FEM1B: variants seen among roughly 807,000 people sequenced by gnomAD.
FEM1B encodes protein fem-1 homolog B.
Under a neutral mutation model 38.6 loss-of-function variants are expected in FEM1B, and 10 were observed. The observed-to-expected ratio is 0.26, with a 90% CI of 0.16 to 0.44. The LOEUF is 0.44. Ranked by LOEUF, FEM1B falls within the 20% of genes least tolerant of loss-of-function variation. The pLI, the probability that FEM1B is intolerant of heterozygous loss-of-function variation, is 1.00. For synonymous variants in FEM1B, 288 were observed against 288.0 expected (o/e 1.00, Z 0.00); for missense variants, 471 against 786.7 (o/e 0.60, Z 4.80).
chr15:68,286,970 C>T (rs1212511701), intron 1 of FEM1B, among the ~76,000 whole-genome samples: 1 of 152,158 alleles, frequency 6.6e-6, no homozygotes, highest in Non-Finnish European at 1.5e-5. Context: ...TCACTGCAAC[C>T]TCTGCCTCCT....
At position 68,288,715 on chromosome 15, in the gene FEM1B, T is replaced by A. The variant is rs545685577; in HGVS notation, c.249-892T>A. On this transcript the variant is annotated intron_variant, in intron 1 of 1. Coordinates refer to ENST00000306917, the MANE Select transcript of FEM1B (RefSeq NM_015322.5). This position sits in a 1 kb window ranked among gnomAD's most constrained non-coding sequence, Gnocchi z 4.6. Reference sequence around the variant, plus strand: ...TCCAAAAGTGCTAATTATTTCCTGCTGTTAGTATTTTTTTCCTGTAGTGGT... The same window carrying A: ...TCCAAAAGTGCTAATTATTTCCTGCAGTTAGTATTTTTTTCCTGTAGTGGT... Among the ~76,000 whole-genome samples the A allele has an allele frequency of 1.3e-5, 2 of 152,318 alleles. No individual in the cohort carries two copies. Among genetic ancestry groups the A allele is most frequent in the East Asian group, 3.9e-4 (2 of 5,184 alleles).
rs1013346513 is a variant in FEM1B, at chr15:68,280,815, G to A, written c.248+2150G>A. Among the ~76,000 whole-genome samples, 1 of 152,158 alleles carries A rather than the reference G, an allele frequency of 6.6e-6. No homozygotes were observed. The highest frequency in any genetic ancestry group is 6.5e-5 in the Admixed American group (1 of 15,282). Reference sequence around the variant, plus strand: ...TTTAAGATTTCATCTCCTTGATTCTGTATATCAGTTTAGCTTATGGATTAT... The same window carrying A: ...TTTAAGATTTCATCTCCTTGATTCTATATATCAGTTTAGCTTATGGATTAT... On this transcript the variant is annotated intron_variant, in intron 1 of 1. Coordinates refer to ENST00000306917, the MANE Select transcript of FEM1B (RefSeq NM_015322.5). This position sits in a 1 kb window ranked among gnomAD's most constrained non-coding sequence, Gnocchi z 4.2.
At position 68,290,525 on chromosome 15, in the gene FEM1B, T is replaced by G; in HGVS notation, c.1167T>G (p.Ala389=). The G allele has an allele frequency of 6.2e-7, 1 of 1,614,178 alleles. No homozygotes were observed. Among genetic ancestry groups the G allele is most frequent in the Middle Eastern group, 1.7e-4 (1 of 6,060 alleles). ...CCCACAAGGATCTTCTTCGATTTGC[T>G]CAAGTTTTCTCACAAATGATACATT... ...RNTHKDLLRF[A]QVFSQMIHLN... Residue 389 remains alanine, a synonymous_variant, in exon 2 of 2, where the codon GCT becomes GCG. Coordinates refer to ENST00000306917, the MANE Select transcript of FEM1B (RefSeq NM_015322.5). The surrounding 1 kb of genome is among the most constrained non-coding windows in gnomAD (Gnocchi z 9.7).
Position 68,291,095 on chromosome 15 carries a change from A to C in FEM1B, c.1737A>C (p.Lys579Asn). Reference protein sequence around the residue: ...TNKQNKTPLDKSTTGVSEILL... With the variant: ...TNKQNKTPLDNSTTGVSEILL... ...AACAGAATAAGACTCCGCTAGACAA[A>C]AGTACAACTGGGGTATCTGAAATAC... Residue 579 changes from lysine to asparagine, a missense_variant, in exon 2 of 2, where the codon AAA (lysine) becomes AAC (asparagine). This residue lies in a region of FEM1B where 380 missense variants were observed against 599.6 expected (regional missense o/e 0.63). Transcript: ENST00000306917. This position sits in a 1 kb window ranked among gnomAD's most constrained non-coding sequence, Gnocchi z 6.9. 3 of 1,614,104 alleles carry C rather than the reference A, an allele frequency of 1.9e-6. No homozygotes were observed. Among genetic ancestry groups the C allele is most frequent in the Non-Finnish European group, 2.5e-6 (3 of 1,180,006 alleles).
Position 68,281,419 on chromosome 15 carries a change from A to T in FEM1B, c.248+2754A>T, listed in dbSNP as rs67342571. 6.6e-6 allele frequency among the ~76,000 whole-genome samples: 1 copy of T among 152,014 alleles called. No individual in the cohort carries two copies. Among genetic ancestry groups the T allele is most frequent in the Non-Finnish European group, 1.5e-5 (1 of 68,004 alleles). On this transcript the variant is annotated intron_variant, in intron 1 of 1. Coordinates refer to ENST00000306917, the MANE Select transcript of FEM1B (RefSeq NM_015322.5). The surrounding 1 kb of genome is among the most constrained non-coding windows in gnomAD (Gnocchi z 5.1). The stretch of plus-strand genomic sequence containing the variant: ...ATGTTTTACTTCTTAGCTTCATCCC[A>T]TGTAATTATGGGTTTGCTGTGTGTT...
At position 68,284,932 on chromosome 15, in the gene FEM1B, C is replaced by T. The variant is rs1455719809; in HGVS notation, c.249-4675C>T. ...CCATGTAAGATGTGACTTGCTGCTC[C>T]TTGCCTTCTGCCATGATTGTGAAGC... On this transcript the variant is annotated intron_variant, in intron 1 of 1. Transcript: ENST00000306917. This position sits in a 1 kb window ranked among gnomAD's most constrained non-coding sequence, Gnocchi z 4.4. Among the ~76,000 whole-genome samples the T allele has an allele frequency of 6.6e-6, 1 of 152,208 alleles. No homozygotes were observed. The highest frequency in any genetic ancestry group is 1.5e-5 in the Non-Finnish European group (1 of 68,036).
rs756658552 is a variant in FEM1B at position 68,281,418 on chromosome 15, C to T, written c.248+2753C>T. Among the ~76,000 whole-genome samples, 1 of 152,092 alleles carries T rather than the reference C, an allele frequency of 6.6e-6. No individual in the cohort carries two copies. Among genetic ancestry groups the T allele is most frequent in the Non-Finnish European group, 1.5e-5 (1 of 68,018 alleles). Reference sequence around the variant, plus strand: ...AATGTTTTACTTCTTAGCTTCATCCCATGTAATTATGGGTTTGCTGTGTGT... The same window carrying T: ...AATGTTTTACTTCTTAGCTTCATCCTATGTAATTATGGGTTTGCTGTGTGT... On this transcript the variant is annotated intron_variant, in intron 1 of 1. Coordinates refer to ENST00000306917, the MANE Select transcript of FEM1B (RefSeq NM_015322.5). This position sits in a 1 kb window ranked among gnomAD's most constrained non-coding sequence, Gnocchi z 5.1.
Position 68,291,309 on chromosome 15 carries a change from A to G in FEM1B, c.*67A>G. ...TAAAGGACTTTTAATCACAGACAGT[A>G]GAATTATGTGTTCATAAATTCTGCT... On this transcript the variant is annotated 3_prime_UTR_variant, in exon 2 of 2. Coordinates refer to ENST00000306917, the MANE Select transcript of FEM1B (RefSeq NM_015322.5). This position sits in a 1 kb window ranked among gnomAD's most constrained non-coding sequence, Gnocchi z 6.9. 1.7e-6 allele frequency: 2 copies of G among 1,201,408 alleles called. No individual in the cohort carries two copies. The highest frequency in any genetic ancestry group is 2.3e-6 in the Non-Finnish European group (2 of 851,742). The allele number at this position is 1,201,408 out of a possible 1,614,324, so 74.4% of individuals were successfully genotyped here. A position where few individuals can be genotyped will look rare whatever the true frequency, so the allele number is the denominator to read the frequency against.
Position 68,284,822 on chromosome 15 carries a change from G to A in FEM1B, c.249-4785G>A, listed in dbSNP as rs760265671. Reference sequence around the variant, plus strand: ...AATCATGGAAGCAGGTCTTTCCCGTGCTGTTCTCTTGATAGTAAGTGTCAC... The same window carrying A: ...AATCATGGAAGCAGGTCTTTCCCGTACTGTTCTCTTGATAGTAAGTGTCAC... On this transcript the variant is annotated intron_variant, in intron 1 of 1. Transcript: ENST00000306917. The surrounding 1 kb of genome is among the most constrained non-coding windows in gnomAD (Gnocchi z 4.4). 1.3e-5 allele frequency among the ~76,000 whole-genome samples: 2 copies of A among 152,178 alleles called. No homozygotes were observed. Among genetic ancestry groups the A allele is most frequent in the African/African-American group, 2.4e-5 (1 of 41,440 alleles).
In FEM1B at chr15:68,289,602, T is replaced by G; in HGVS notation, c.249-5T>G. On this transcript the variant is annotated splice_region_variant and splice_polypyrimidine_tract_variant and intron_variant, in intron 1 of 1. Coordinates refer to ENST00000306917, the MANE Select transcript of FEM1B (RefSeq NM_015322.5). This position sits in a 1 kb window ranked among gnomAD's most constrained non-coding sequence, Gnocchi z 6.9. ...TATCTAACTGCTTATTCTTTTCATGTGTAGGTATGTCATTGATGGTGCCAC... is the reference window on the plus strand; with the variant it reads ...TATCTAACTGCTTATTCTTTTCATGGGTAGGTATGTCATTGATGGTGCCAC... 6.2e-7 allele frequency: 1 copy of G among 1,611,520 alleles called. No homozygotes were observed. The highest frequency in any genetic ancestry group is 1.3e-5 in the African/African-American group (1 of 74,980).
intron 1 of FEM1B, among the ~76,000 whole-genome samples, chr15:68,285,501 T>C (rs1336026341): frequency 6.6e-6 from 1 of 152,250 alleles, no homozygotes; most frequent in African/African-American, 2.4e-5. Context: ...GCAATGAGAA[T>C]GTCAGTTGCC....
Position 68,291,491 on chromosome 15 carries a change from T to C in FEM1B, c.*249T>C. The C allele has an allele frequency of 2.5e-6, 1 of 407,886 alleles. No individual in the cohort carries two copies. Among genetic ancestry groups the C allele is most frequent in the Non-Finnish European group, 4.3e-6 (1 of 230,524 alleles). 25.3% of individuals were successfully genotyped at this position (407,886 alleles called of 1,614,324 possible). ...CATATTGGTTACCTATTTGTCTTTC[T>C]TTTTTTTAAAGGAACAGATATAAAA... On this transcript the variant is annotated 3_prime_UTR_variant, in exon 2 of 2. Transcript: ENST00000306917. This position sits in a 1 kb window ranked among gnomAD's most constrained non-coding sequence, Gnocchi z 6.9.
In FEM1B at chr15:68,288,574, A is replaced by G. The variant is rs12909277; in HGVS notation, c.249-1033A>G. ...AGGTGGGAAAGATCAGACTCTAGCA[A>G]TAGTCTAATTTTGTATGTTAAGTAG... On this transcript the variant is annotated intron_variant, in intron 1 of 1. Transcript: ENST00000306917. This position sits in a 1 kb window ranked among gnomAD's most constrained non-coding sequence, Gnocchi z 4.6. 0.56 allele frequency among the ~76,000 whole-genome samples: 84,829 copies of G among 152,046 alleles called. 25,109 individuals carry two copies. Among genetic ancestry groups the G allele is most frequent in the East Asian group, 0.97 (4,999 of 5,180 alleles).
At chr15:68,287,188 GCC>G (rs1892798324) in intron 1 of FEM1B, among the ~76,000 whole-genome samples, 1 of 152,056 alleles carries the variant, frequency 6.6e-6, no homozygotes, top group South Asian at 2.1e-4. Flanking sequence ...ACCGCACCCG[GCC>G]TGATTCATTC....
chr15:68,280,580 ATAG>A lies in FEM1B; in HGVS notation c.248+1922_248+1924del, dbSNP rs1892715601. Among the ~76,000 whole-genome samples the A allele has an allele frequency of 6.6e-6, 1 of 152,304 alleles. No individual in the cohort carries two copies. The highest frequency in any genetic ancestry group is 6.5e-5 in the Admixed American group (1 of 15,302). The stretch of plus-strand genomic sequence containing the variant: ...TGACGTTCGAGCTGTGTTTTAAAGA[ATAG>A]TAGTAGGACATGAAGAAGAGGGGCA... On this transcript the variant is annotated intron_variant, in intron 1 of 1. Transcript: ENST00000306917. The surrounding 1 kb of genome is among the most constrained non-coding windows in gnomAD (Gnocchi z 4.2).
rs1323166102 is a variant in FEM1B, at chr15:68,284,634, CTT to C, written c.249-4971_249-4970del. 6.6e-6 allele frequency among the ~76,000 whole-genome samples: 1 copy of C among 152,122 alleles called. No individual in the cohort carries two copies. Among genetic ancestry groups the C allele is most frequent in the African/African-American group, 2.4e-5 (1 of 41,420 alleles). The stretch of plus-strand genomic sequence containing the variant: ...ACTCTCTAGATCAATGTGTAGAACA[CTT>C]TATCACTCTAAAAGTTTCCCTTGTG... On this transcript the variant is annotated intron_variant, in intron 1 of 1. Coordinates refer to ENST00000306917, the MANE Select transcript of FEM1B (RefSeq NM_015322.5). This position sits in a 1 kb window ranked among gnomAD's most constrained non-coding sequence, Gnocchi z 4.4.
In FEM1B at chr15:68,291,027, A is replaced by C; in HGVS notation, c.1669A>C (p.Ile557Leu). 3 of 1,614,146 alleles carry C rather than the reference A, an allele frequency of 1.9e-6. No individual in the cohort carries two copies. Among genetic ancestry groups the C allele is most frequent in the Non-Finnish European group, 2.5e-6 (3 of 1,180,004 alleles). ...SDFLTLHSIIISLVEAGAHTD... is the reference protein window; with the variant it reads ...SDFLTLHSIILSLVEAGAHTD... ...TTTTTTGACCTTGCACTCCATCATC[A>C]TTAGCCTAGTTGAAGCCGGAGCTCA... Residue 557 changes from isoleucine to leucine, a missense_variant, in exon 2 of 2, where the codon ATT becomes CTT. Coordinates refer to ENST00000306917, the MANE Select transcript of FEM1B (RefSeq NM_015322.5). This position sits in a 1 kb window ranked among gnomAD's most constrained non-coding sequence, Gnocchi z 6.9.
intron 1 of FEM1B, among the ~76,000 whole-genome samples, chr15:68,285,217 ATGTG>A (rs1207115091): frequency 1.3e-5 from 2 of 151,984 alleles, no homozygotes; most frequent in Non-Finnish European, 2.9e-5. Context: ...TTTTTTAATG[ATGTG>A]TGGTATTCCG....
chr15:68,283,946 C>T (rs143677381), intron 1 of FEM1B, among the ~76,000 whole-genome samples: 178 of 149,050 alleles, frequency 1.2e-3, no homozygotes, highest in East Asian at 0.012. Flanking sequence ...AGTGCAATGG[C>T]GTGATCTTGG....
Sources: gnomAD v4.1 joint callset for allele counts (sites outside exome capture counted in the v4.1 genomes callset) on GRCh38, gnomAD v4.1.1 for gene constraint, gnomAD v4.1.1 regional missense constraint, Gnocchi (gnomAD v3.1) non-coding constraint, MANE v1.5 for transcripts, NCBI Gene and HGNC (gene_info 2026-07-23, HGNC 2026-07-21) for gene names.